ZGRF1: variants seen among roughly 807,000 people sequenced by gnomAD.
The protein encoded by ZGRF1 is zinc finger GRF-type containing 1.
A neutral mutation model predicts 203.5 loss-of-function variants in ZGRF1; 196 were observed. The ratio of observed to expected loss-of-function variants is 0.96; its 90% CI spans 0.86 to 1.08. The LOEUF (loss-of-function observed/expected upper bound fraction) is 1.08. Among genes scored for constraint, ZGRF1 ranks in the 50% least tolerant of loss-of-function variants. ZGRF1 has a pLI of 0.00. For missense variants in ZGRF1, 2,326 were observed against 2,416.3 expected (o/e 0.96, Z 0.78); for synonymous variants, 809 against 841.3 (o/e 0.96, Z 0.66).
At chr4:112,627,463 G>C (rs185947337) in intron 3 of ZGRF1, among the ~76,000 whole-genome samples, 1 of 152,058 alleles carries the variant, frequency 6.6e-6, no homozygotes, top group Non-Finnish European at 1.5e-5. Context: ...AAATATAGCC[G>C]GGCACGGTGG....
At chr4:112,636,099 TTAAG>T (rs1243056011) in intron 1 of ZGRF1, among the ~76,000 whole-genome samples, 5 of 152,296 alleles carry the variant, frequency 3.3e-5, no homozygotes, top group African/African-American at 9.6e-5. Context: ...TCATATATAT[TTAAG>T]TGAGATGCAA....
intron 3 of ZGRF1, among the ~76,000 whole-genome samples, chr4:112,626,780 C>T (rs1399598598): frequency 6.6e-6 from 1 of 151,528 alleles, no homozygotes; most frequent in Non-Finnish European, 1.5e-5. Flanking sequence ...TTCTGTGATA[C>T]TTCAAATTTA....
chr4:112,610,873 T>TA (rs1751475338), intron 7 of ZGRF1: 1 of 219,392 alleles, frequency 4.6e-6, no homozygotes, highest in Non-Finnish European at 9.3e-6. Flanking sequence ...TAATGTAAGA[T>TA]AATACAACGA....
chr4:112,545,561 A>G (rs1264115588), intron 24 of ZGRF1, among the ~76,000 whole-genome samples: 1 of 152,180 alleles, frequency 6.6e-6, no homozygotes, highest in Non-Finnish European at 1.5e-5. Context: ...CTGCTATAGA[A>G]AAAAGTTTGG....
Position 112,609,375 on chromosome 4 carries a change from T to C in ZGRF1, c.2718+4A>G, listed in dbSNP as rs765460378. 1 of 1,517,104 alleles carries C rather than the reference T, an allele frequency of 6.6e-7. No individual in the cohort carries two copies. Among genetic ancestry groups the C allele is most frequent in the Non-Finnish European group, 8.9e-7 (1 of 1,119,550 alleles). 94.0% of individuals were successfully genotyped at this position (1,517,104 alleles called of 1,614,324 possible). ...GGGGCTAATTTATATTTTAAATAAC[T>C]TACCTGCACAGACTGAAGTGGTTCA... On this transcript the variant is annotated splice_donor_region_variant and intron_variant, in intron 8 of 27. Transcript: ENST00000505019.
intron 7 of ZGRF1, among the ~76,000 whole-genome samples, chr4:112,611,313 G>C (rs940607490): frequency 6.6e-6 from 1 of 152,202 alleles, no homozygotes; most frequent in African/African-American, 2.4e-5. Context: ...TGGGGCAGGA[G>C]AATCACTTGA....
At chr4:112,589,557 T>C in intron 11 of ZGRF1, 167 bp downstream of exon 11, 1 of 610,570 alleles carries the variant, frequency 1.6e-6, no homozygotes. Flanking sequence ...GTACCTGGAA[T>C]AGCTATCTAT....
chr4:112,542,235 G>A (rs763047825), intron 24 of ZGRF1, among the ~76,000 whole-genome samples: 3 of 152,128 alleles, frequency 2.0e-5, no homozygotes, highest in Non-Finnish European at 2.9e-5. Context: ...CCAGCTATTT[G>A]GGAGGCTGAG....
chr4:112,613,556 T>C (rs1251754930), intron 6 of ZGRF1, among the ~76,000 whole-genome samples: 1 of 152,218 alleles, frequency 6.6e-6, no homozygotes, highest in African/African-American at 2.4e-5. Flanking sequence ...TGAACAGTGA[T>C]ATGATACAGA....
chr4:112,603,685 G>A lies in ZGRF1; in HGVS notation c.2815C>T (p.Gln939Ter). Residue 939 changes from glutamine (Q) to a stop codon, truncating the protein, a stop_gained, in exon 10 of 28, where the codon CAA becomes TAA. Transcript: ENST00000505019. LOFTEE classifies it high-confidence loss of function. ...GCTGATCCTTTTACTTGATGTCCTTGAAACTCAACAGGCTACAGGTAAATT... is the reference window on the plus strand; with the variant it reads ...GCTGATCCTTTTACTTGATGTCCTTAAAACTCAACAGGCTACAGGTAAATT... ...KTCDPKPVEF[Q>*]GHQVKGSATS... 6.2e-7 allele frequency: 1 copy of A among 1,612,904 alleles called. No homozygotes were observed. The highest frequency in any genetic ancestry group is 8.5e-7 in the Non-Finnish European group (1 of 1,179,410).
At chr4:112,586,322 C>T in intron 13 of ZGRF1, 123 bp downstream of exon 13, 1 of 706,056 alleles carries the variant, frequency 1.4e-6, no homozygotes, top group Non-Finnish European at 2.1e-6. Context: ...CTGTCAAAAA[C>T]TAGAACATAT....
Position 112,617,657 on chromosome 4 carries a change from G to C in ZGRF1, c.2385C>G (p.Pro795=). 2 of 1,613,850 alleles carry C rather than the reference G, an allele frequency of 1.2e-6. No homozygotes were observed. The highest frequency in any genetic ancestry group is 1.7e-6 in the Non-Finnish European group (2 of 1,179,912). Residue 795 remains proline, a synonymous_variant, in exon 6 of 28, where the codon CCC becomes CCG. Coordinates refer to ENST00000505019, the MANE Select transcript of ZGRF1 (RefSeq NM_018392.5). ...CAGTTTCAACCTCAACATGGTCAGG[G>C]GGTGGACTTCTAATCTTTCCCAAAT... ...PEDLGKIRSP[P]PDHVEVETAR...
chr4:112,593,187 T>C (rs1162376708), intron 10 of ZGRF1, among the ~76,000 whole-genome samples: 1 of 152,192 alleles, frequency 6.6e-6, no homozygotes, highest in African/African-American at 2.4e-5. Context: ...CTTGCTTTAC[T>C]CAATGAAAAT....
chr4:112,589,837 G>C lies in ZGRF1; in HGVS notation c.3014C>G (p.Pro1005Arg). 6.2e-7 allele frequency: 1 copy of C among 1,612,738 alleles called. No individual in the cohort carries two copies. Among genetic ancestry groups the C allele is most frequent in the Non-Finnish European group, 8.5e-7 (1 of 1,179,432 alleles). ...SPEENISTLS[P>R]VSTFSLNSRD... ...TGAGTTCAAAGAAAAGGTAGAAACA[G>C]GGCTCAATGTAGAGATGTTTTCTTC... Residue 1005 changes from proline (P) to arginine (R), a missense_variant, in exon 11 of 28, where the codon CCT becomes CGT. Coordinates refer to ENST00000505019, the MANE Select transcript of ZGRF1 (RefSeq NM_018392.5).
intron 22 of ZGRF1, among the ~76,000 whole-genome samples, chr4:112,552,290 A>T (rs35063522): frequency 0.39 from 58,670 of 151,084 alleles, 11,587 homozygotes; most frequent in South Asian, 0.49. Flanking sequence ...AAAAAAAAAA[A>T]AGAAAGAAAG....
At position 112,619,974 on chromosome 4, in the gene ZGRF1, A is replaced by G. The variant is rs753126322; in HGVS notation, c.351+28T>C. On this transcript the variant is annotated intron_variant, in intron 5 of 27. Transcript: ENST00000505019. ...GAGACAATTTTATAAATATATTTTG[A>G]TATATTATTTTCCATAGCAAAACTT... The G allele has an allele frequency of 7.4e-6, 11 of 1,492,468 alleles. No individual in the cohort carries two copies. The South Asian group carries it at 1.4e-4, about 18-fold the overall frequency. 92.5% of individuals were successfully genotyped at this position (1,492,468 alleles called of 1,614,324 possible).
In ZGRF1 at chr4:112,540,046, G is replaced by A; in HGVS notation, c.5989C>T (p.Gln1997Ter). ...TVQVSTVDAF[Q>*]GAEKEIIILS... Reference sequence around the variant, plus strand: ...ATAATGATCTCCTTTTCAGCTCCCTGAAAAGCATCTACTGTGGACACCTGC... The same window carrying A: ...ATAATGATCTCCTTTTCAGCTCCCTAAAAAGCATCTACTGTGGACACCTGC... Residue 1997 changes from glutamine to a stop codon, truncating the protein, a stop_gained, in exon 27 of 28, where the codon CAG (glutamine) becomes TAG (stop). Coordinates refer to ENST00000505019, the MANE Select transcript of ZGRF1 (RefSeq NM_018392.5). LOFTEE classifies it high-confidence loss of function. 1 of 1,609,554 alleles carries A rather than the reference G, an allele frequency of 6.2e-7. No individual in the cohort carries two copies. Among genetic ancestry groups the A allele is most frequent in the Non-Finnish European group, 8.5e-7 (1 of 1,177,404 alleles).
chr4:112,635,400 G>T (rs2047564135), intron 1 of ZGRF1, among the ~76,000 whole-genome samples: 1 of 151,762 alleles, frequency 6.6e-6, no homozygotes, highest in Admixed American at 6.6e-5. Flanking sequence ...TTATTTGGAG[G>T]TTTTGTTTCT....
chr4:112,562,011 G>GC, intron 18 of ZGRF1, among the ~76,000 whole-genome samples: 1 of 143,764 alleles, frequency 7.0e-6, no homozygotes, highest in Non-Finnish European at 1.5e-5. Context: ...CCAGGTTCAA[G>GC]CAATTCTCCT....
Sources: gnomAD v4.1 joint callset for allele counts (sites outside exome capture counted in the v4.1 genomes callset) on GRCh38, gnomAD v4.1.1 for gene constraint, MANE v1.5 for transcripts, NCBI Gene and HGNC (gene_info 2026-07-23, HGNC 2026-07-21) for gene names.